Variants in PREP observed in about 807,000 individuals in gnomAD.
The protein encoded by PREP is prolyl endopeptidase, also known as dJ355L5.1 (prolyl endopeptidase).
Under a neutral mutation model 87.6 loss-of-function variants are expected in PREP, and 29 were observed. The observed-to-expected ratio is 0.33, with a 90% confidence interval of 0.25 to 0.45. PREP has a LOEUF of 0.45. Among genes scored for constraint, PREP ranks in the 20% least tolerant of loss-of-function variants. PREP has a pLI of 1.00. For missense variants in PREP, 695 were observed against 886.5 expected, an observed-to-expected ratio of 0.78 and a Z score of 2.74; for synonymous variants, 337 against 328.6, an observed-to-expected ratio of 1.03 and a Z score of -0.28.
intron 2 of PREP, among the ~76,000 whole-genome samples, chr6:105,379,381 T>C (rs1025401554): frequency 6.6e-6 from 1 of 152,360 alleles, no homozygotes; most frequent in Middle Eastern, 3.4e-3. Context: ...AGGAGGAAAT[T>C]GGATTTTGCT....
intron 2 of PREP, 23 bp downstream of exon 2, chr6:105,397,830 T>C (rs377300996): frequency 1.8e-4 from 288 of 1,562,922 alleles, no homozygotes; most frequent in Non-Finnish European, 2.3e-4. Flanking sequence ...GGCTGCCTTA[T>C]CTTTAATTAG....
intron 9 of PREP, among the ~76,000 whole-genome samples, chr6:105,326,667 C>T (rs556187166): frequency 3.3e-5 from 5 of 152,370 alleles, no homozygotes; most frequent in African/African-American, 1.2e-4. Context: ...CCCACACTGA[C>T]AATCCATGCT....
chr6:105,281,415 G>A (rs915345312), intron 14 of PREP: 28 of 183,940 alleles, frequency 1.5e-4, no homozygotes, highest in African/African-American at 6.4e-4. Context: ...TGTGATTTGG[G>A]ACCCCTCAAG....
intron 2 of PREP, among the ~76,000 whole-genome samples, chr6:105,381,840 G>A (rs748471532): frequency 1.8e-4 from 26 of 141,212 alleles, no homozygotes; most frequent in Non-Finnish European, 3.6e-4. Flanking sequence ...ACTATATTGT[G>A]CACAGAAAAA....
intron 10 of PREP, chr6:105,322,470 G>C (rs1771036574): frequency 1.0e-6 from 1 of 985,474 alleles, no homozygotes; most frequent in African/African-American, 1.7e-5. Flanking sequence ...CTGTCTGACA[G>C]AGCTTCTTGA....
intron 2 of PREP, among the ~76,000 whole-genome samples, chr6:105,393,369 C>G (rs1417877653): frequency 6.6e-6 from 1 of 151,884 alleles, no homozygotes; most frequent in Non-Finnish European, 1.5e-5. Flanking sequence ...AGACTTGTAA[C>G]AGAAAATTCT....
At chr6:105,373,220 ACACAG>A in intron 5 of PREP, 144 bp downstream of exon 5, 1 of 856,930 alleles carries the variant, frequency 1.2e-6, no homozygotes, top group South Asian at 1.7e-5. Context: ...GGGGTCTATT[ACACAG>A]CAAAGCCAAC....
chr6:105,354,765 CAT>C (rs1220974569), intron 6 of PREP, among the ~76,000 whole-genome samples: 1 of 152,122 alleles, frequency 6.6e-6, no homozygotes, highest in African/African-American at 2.4e-5. Context: ...TCCACAATCA[CAT>C]GAGCCAATTC....
At chr6:105,291,435 T>G (rs1327475012) in intron 10 of PREP, among the ~76,000 whole-genome samples, 1 of 152,174 alleles carries the variant, frequency 6.6e-6, no homozygotes, top group Non-Finnish European at 1.5e-5. Flanking sequence ...CCAAAAGACA[T>G]TAACATTTGA....
At chr6:105,327,021 A>G (rs1771182200) in intron 9 of PREP, among the ~76,000 whole-genome samples, 1 of 152,222 alleles carries the variant, frequency 6.6e-6, no homozygotes, top group Non-Finnish European at 1.5e-5. Context: ...TGTTCCTGAC[A>G]TAAATGGTCA....
intron 9 of PREP, among the ~76,000 whole-genome samples, chr6:105,326,956 C>T (rs942563451): frequency 6.6e-6 from 1 of 152,130 alleles, no homozygotes; most frequent in African/African-American, 2.4e-5. Context: ...TGGCACAGAA[C>T]CCAGCATTTT....
intron 10 of PREP, among the ~76,000 whole-genome samples, chr6:105,290,557 A>G (rs1389506628): frequency 6.6e-6 from 1 of 152,120 alleles, no homozygotes; most frequent in Non-Finnish European, 1.5e-5. Flanking sequence ...CTGGACTGAT[A>G]CACTCCTCAT....
intron 7 of PREP, among the ~76,000 whole-genome samples, chr6:105,335,645 A>G (rs1167108780): frequency 6.6e-6 from 1 of 152,152 alleles, no homozygotes; most frequent in Admixed American, 6.5e-5. Context: ...TAATCCCAGC[A>G]TTTTGGGAGG....
intron 10 of PREP, among the ~76,000 whole-genome samples, chr6:105,302,013 C>G (rs1770547218): frequency 6.6e-6 from 1 of 152,166 alleles, no homozygotes; most frequent in South Asian, 2.1e-4. Context: ...TTAGCAGTAA[C>G]CTGGTGTTTT....
At chr6:105,361,900 CAT>C (rs1405340246) in intron 6 of PREP, among the ~76,000 whole-genome samples, 1 of 152,132 alleles carries the variant, frequency 6.6e-6, no homozygotes, top group Non-Finnish European at 1.5e-5. Context: ...GCCATAAGCA[CAT>C]GTGAGTATGC....
intron 10 of PREP, chr6:105,302,530 C>A (rs1025808555): frequency 2.5e-6 from 1 of 398,414 alleles, no homozygotes. Context: ...AGGTTCTCCT[C>A]GTGCTTGCTG....
chr6:105,326,345 A>G, intron 9 of PREP, among the ~76,000 whole-genome samples: 1 of 152,208 alleles, frequency 6.6e-6, no homozygotes, highest in East Asian at 1.9e-4. Flanking sequence ...TTTGAACCAC[A>G]GAGAATAAGT....
intron 10 of PREP, among the ~76,000 whole-genome samples, chr6:105,289,125 T>A (rs946713456): frequency 3.9e-5 from 6 of 152,166 alleles, no homozygotes; most frequent in Admixed American, 6.5e-5. Flanking sequence ...TGAATTCTTA[T>A]TCCACAACTA....
intron 7 of PREP, among the ~76,000 whole-genome samples, chr6:105,335,814 A>T (rs556976388): frequency 6.6e-6 from 1 of 151,814 alleles, no homozygotes; most frequent in African/African-American, 2.4e-5. Flanking sequence ...AATGGCGTGA[A>T]CCCGGGAGGC....
Sources: gnomAD v4.1 joint callset for allele counts (sites outside exome capture counted in the v4.1 genomes callset) on GRCh38, gnomAD v4.1.1 for gene constraint, MANE v1.5 for transcripts, NCBI Gene and HGNC (gene_info 2026-07-23, HGNC 2026-07-21) for gene names.